Variants in CAST observed in about 807,000 individuals in gnomAD.
The protein encoded by CAST is calpastatin, also known as MIR583 host.
In CAST, 76 loss-of-function variants were observed where a neutral mutation model predicts 119.6. The ratio of observed to expected loss-of-function variants is 0.64; its 90% CI spans 0.53 to 0.77. The LOEUF (loss-of-function observed/expected upper bound fraction) is 0.77. Ranked by LOEUF, CAST falls within the 30% of genes least tolerant of loss-of-function variation. CAST has a pLI of 0.00. For missense variants in CAST, 953 were observed against 946.5 expected (o/e 1.01, Z -0.09); for synonymous variants, 319 against 331.6 (o/e 0.96, Z 0.41).
At chr5:96,422,892 G>A in the CAST span, among the ~76,000 whole-genome samples, 1 of 148,666 alleles carries the variant, frequency 6.7e-6, no homozygotes, top group Non-Finnish European at 1.5e-5. Flanking sequence ...GGATTTGCAT[G>A]GAAGGAATCA....
intron 3 of CAST, 135 bp downstream of exon 3, chr5:96,696,042 T>C (rs1037156218): frequency 8.7e-6 from 4 of 461,118 alleles, no homozygotes; most frequent in Admixed American, 3.8e-5. Context: ...ATTTCTGTGC[T>C]AGAAGAGAGA....
the CAST span, among the ~76,000 whole-genome samples, chr5:96,404,465 G>C: frequency 1.3e-5 from 2 of 152,130 alleles, no homozygotes; most frequent in Non-Finnish European, 2.9e-5. Context: ...ATTTCTTTGT[G>C]CATATTCAGC....
the CAST span, among the ~76,000 whole-genome samples, chr5:96,013,304 A>G: frequency 6.6e-6 from 1 of 151,634 alleles, no homozygotes; most frequent in Admixed American, 6.6e-5. Flanking sequence ...ATGATAATAT[A>G]GAGAATATAT....
At chr5:96,444,749 A>T in the CAST span, among the ~76,000 whole-genome samples, 1 of 151,552 alleles carries the variant, frequency 6.6e-6, no homozygotes, top group African/African-American at 2.4e-5. Context: ...GTTTTGTTTT[A>T]TTTATTTTTT....
chr5:96,326,487 A>C, the CAST span, among the ~76,000 whole-genome samples: 1 of 152,066 alleles, frequency 6.6e-6, no homozygotes, highest in Non-Finnish European at 1.5e-5. Flanking sequence ...TCAAACTCCT[A>C]TTCCTACTTT....
the CAST span, among the ~76,000 whole-genome samples, chr5:96,314,325 T>TCCTGTTGC: frequency 3.9e-5 from 6 of 152,310 alleles, no homozygotes; most frequent in East Asian, 1.2e-3. Flanking sequence ...TGGGCATCTT[T>TCCTGTTGC]CCTGTTGCCT....
the CAST span, among the ~76,000 whole-genome samples, chr5:96,218,473 T>G: frequency 6.6e-6 from 1 of 152,130 alleles, no homozygotes; most frequent in African/African-American, 2.4e-5. Flanking sequence ...GCATTTGGCC[T>G]TTGCTAAAAT....
the CAST span, among the ~76,000 whole-genome samples, chr5:96,304,372 A>G: frequency 2.6e-5 from 4 of 152,166 alleles, no homozygotes; most frequent in African/African-American, 7.2e-5. Context: ...TGGACAGATT[A>G]CAAAAATTTT....
At chr5:96,719,840 A>G (rs1386953307) in intron 3 of CAST, among the ~76,000 whole-genome samples, 6 of 152,126 alleles carry the variant, frequency 3.9e-5, no homozygotes, top group Admixed American at 1.3e-4. Context: ...CACAGCTCGG[A>G]GGGTCCTCGT....
At chr5:96,112,495 T>C in the CAST span, among the ~76,000 whole-genome samples, 13 of 152,318 alleles carry the variant, frequency 8.5e-5, no homozygotes, top group East Asian at 2.5e-3. Context: ...TTGACTTATT[T>C]AAAGTTACAT....
At chr5:96,707,024 C>G (rs113494755) in intron 3 of CAST, among the ~76,000 whole-genome samples, 2 of 152,290 alleles carry the variant, frequency 1.3e-5, no homozygotes, top group South Asian at 2.1e-4. Flanking sequence ...CCACTCAACC[C>G]GAGGTGCAAA....
chr5:96,496,702 T>G, the CAST span, among the ~76,000 whole-genome samples: 1 of 152,226 alleles, frequency 6.6e-6, no homozygotes, highest in Non-Finnish European at 1.5e-5. Flanking sequence ...TCTATTATCA[T>G]CTATTCTATA....
the CAST span, among the ~76,000 whole-genome samples, chr5:96,088,521 T>A: frequency 6.6e-6 from 1 of 152,320 alleles, no homozygotes; most frequent in African/African-American, 2.4e-5. Context: ...TCTCAGCCTG[T>A]GAAGCCCAGG....
the CAST span, among the ~76,000 whole-genome samples, chr5:96,454,111 A>G: frequency 6.6e-6 from 1 of 152,046 alleles, no homozygotes; most frequent in African/African-American, 2.4e-5. Context: ...CAACTGTCAT[A>G]TAAGACGAGG....
At chr5:96,731,007 TAG>T in intron 9 of CAST, 147 bp downstream of exon 9, 4 of 637,846 alleles carry the variant, frequency 6.3e-6, no homozygotes, top group East Asian at 2.7e-5. Flanking sequence ...ATTTAAGGGA[TAG>T]AGAGTGAACA....
chr5:96,726,907 A>G (rs764178538), intron 5 of CAST, 48 bp downstream of exon 5: 2 of 1,304,988 alleles, frequency 1.5e-6, no homozygotes, highest in Non-Finnish European at 2.2e-6. Context: ...TAACGGTTAC[A>G]TCACCCGCTC....
rs531191437 is a variant in CAST at position 96,770,876 on chromosome 5, C to A, written c.2340+274C>A. Among the ~76,000 whole-genome samples, 7 of 152,176 alleles carry A rather than the reference C, an allele frequency of 4.6e-5. No homozygotes were observed. The South Asian group carries it at 1.5e-3, about 32-fold the overall frequency. ...CTTTCTTGCCCTAATTAAAATACCA[C>A]CATAGTATGTGGTTTATATAGATTT... On this transcript the variant is annotated intron_variant, in intron 30 of 31. Coordinates refer to ENST00000675179, the MANE Select transcript of CAST (RefSeq NM_001750.7).
the CAST span, chr5:95,961,877 ACCGCCGCCAC>A: frequency 1.1e-6 from 1 of 915,036 alleles, no homozygotes; most frequent in Non-Finnish European, 1.5e-6. Context: ...TCGGACTGCC[ACCGCCGCCAC>A]CCGCCCCACC....
At chr5:96,456,115 G>A in the CAST span, among the ~76,000 whole-genome samples, 46 of 152,270 alleles carry the variant, frequency 3.0e-4, no homozygotes, top group Non-Finnish European at 3.5e-4. Flanking sequence ...TCTAATGACC[G>A]AAGGATGACC....
Sources: allele counts gnomAD v4.1 joint callset (sites outside exome capture counted in the v4.1 genomes callset), GRCh38; gene constraint gnomAD v4.1.1; transcripts MANE v1.5; gene names NCBI Gene and HGNC (gene_info 2026-07-23, HGNC 2026-07-21).